Variants in COL28A1 observed in about 807,000 individuals in gnomAD.
The protein encoded by COL28A1 is collagen type XXVIII alpha 1 chain, also known as collagen alpha-1(XXVIII) chain.
Under a neutral mutation model 150.2 loss-of-function variants are expected in COL28A1, and 161 were observed. The ratio of observed to expected loss-of-function variants is 1.07; its 90% CI spans 0.94 to 1.22. The LOEUF (loss-of-function observed/expected upper bound fraction) is 1.22. COL28A1 is among the 50% of genes most tolerant of loss of function. COL28A1 has a pLI of 0.00. For synonymous variants in COL28A1, 552 were observed against 469.7 expected (o/e 1.18, Z -2.26); for missense variants, 1,617 against 1,388.3 (o/e 1.16, Z -2.62).
chr7:7,505,725 A>G (rs1780773116), intron 11 of COL28A1, among the ~76,000 whole-genome samples: 1 of 152,248 alleles, frequency 6.6e-6, no homozygotes, highest in South Asian at 2.1e-4. Flanking sequence ...AATGAGCCAT[A>G]AAATAAATAA....
intron 20 of COL28A1, among the ~76,000 whole-genome samples, chr7:7,442,584 A>C (rs1785898206): frequency 6.6e-6 from 1 of 152,242 alleles, no homozygotes; most frequent in South Asian, 2.1e-4. Context: ...CTCACATTTA[A>C]GATTAAGGAT....
intron 11 of COL28A1, among the ~76,000 whole-genome samples, chr7:7,491,629 A>G (rs1282191017): frequency 6.6e-6 from 1 of 152,228 alleles, no homozygotes; most frequent in Non-Finnish European, 1.5e-5. Flanking sequence ...GCATTTTAGA[A>G]CTAGATGTGA....
At chr7:7,484,569 A>G (rs1204514053) in intron 13 of COL28A1, among the ~76,000 whole-genome samples, 1 of 152,198 alleles carries the variant, frequency 6.6e-6, no homozygotes, top group East Asian at 1.9e-4. Context: ...TTTTGGTAGG[A>G]TGAAAATAAA....
At chr7:7,374,539 AT>A (rs1410815297) in intron 31 of COL28A1, among the ~76,000 whole-genome samples, 4 of 152,324 alleles carry the variant, frequency 2.6e-5, no homozygotes, top group Admixed American at 2.0e-4. Context: ...ACACTAGTCA[AT>A]TTAAAAAAAC....
At chr7:7,472,138 C>T (rs1788486078) in intron 15 of COL28A1, among the ~76,000 whole-genome samples, 2 of 152,086 alleles carry the variant, frequency 1.3e-5, no homozygotes, top group South Asian at 4.2e-4. Flanking sequence ...CTCTCACCAC[C>T]CCTCTGACAC....
chr7:7,446,750 G>A (rs1208820983), intron 18 of COL28A1, among the ~76,000 whole-genome samples: 1 of 152,174 alleles, frequency 6.6e-6, no homozygotes, highest in Admixed American at 6.5e-5. Context: ...CCTGTACAAA[G>A]TTTCCAGGTC....
intron 27 of COL28A1, among the ~76,000 whole-genome samples, chr7:7,386,153 CTTG>C (rs1782168189): frequency 6.6e-6 from 1 of 152,182 alleles, no homozygotes; most frequent in South Asian, 2.1e-4. Flanking sequence ...CAGATGACTG[CTTG>C]TTCTCTGGGA....
At chr7:7,431,604 C>G (rs1053542226) in intron 25 of COL28A1, 2 of 471,042 alleles carry the variant, frequency 4.2e-6, no homozygotes, top group Non-Finnish European at 4.4e-6. Flanking sequence ...AAGCTGCAGT[C>G]GGGGCATGAA....
At chr7:7,501,922 G>C (rs1048008754) in intron 11 of COL28A1, among the ~76,000 whole-genome samples, 5 of 152,102 alleles carry the variant, frequency 3.3e-5, no homozygotes, top group African/African-American at 1.2e-4. Flanking sequence ...TTGAGACAGA[G>C]TCTCGCTCTG....
rs1781360720 is a variant in COL28A1, at chr7:7,373,668, T to C, written c.2360-122A>G. On this transcript the variant is annotated intron_variant, in intron 31 of 34. Coordinates refer to ENST00000399429, the MANE Select transcript of COL28A1 (RefSeq NM_001037763.3). The surrounding 1 kb of genome is among the most constrained non-coding windows in gnomAD (Gnocchi z 4.1). ...AAACTATTCTCTTCCTTTTCTGTGATTGTGAAAATACCTGACAGCTGTCTC... is the reference window on the plus strand; with the variant it reads ...AAACTATTCTCTTCCTTTTCTGTGACTGTGAAAATACCTGACAGCTGTCTC... The C allele has an allele frequency of 9.1e-6, 7 of 770,420 alleles. No homozygotes were observed. Among genetic ancestry groups the C allele is most frequent in the South Asian group, 3.6e-5 (2 of 54,898 alleles). 47.7% of individuals were successfully genotyped at this position (770,420 alleles called of 1,614,324 possible).
At chr7:7,421,623 G>T (rs1784392467) in intron 25 of COL28A1, among the ~76,000 whole-genome samples, 2 of 152,106 alleles carry the variant, frequency 1.3e-5, no homozygotes, top group South Asian at 4.2e-4. Context: ...AAGAAATGTT[G>T]AAGTTGTTCA....
At chr7:7,372,243 C>CA in intron 32 of COL28A1, among the ~76,000 whole-genome samples, 1 of 150,986 alleles carries the variant, frequency 6.6e-6, no homozygotes, top group South Asian at 2.1e-4. Context: ...ACTAAAAATA[C>CA]AAAAAATTAG....
the COL28A1 span, among the ~76,000 whole-genome samples, chr7:7,341,325 T>A: frequency 6.6e-6 from 1 of 152,220 alleles, no homozygotes. Flanking sequence ...CATTGAATTA[T>A]GTTATTTTCA....
rs762467767 is a variant in COL28A1 at position 7,373,344 on chromosome 7, C to A, written c.2562G>T (p.Gln854His). 5 of 1,614,044 alleles carry A rather than the reference C, an allele frequency of 3.1e-6. No homozygotes were observed. Among genetic ancestry groups the A allele is most frequent in the Admixed American group, 1.7e-5 (1 of 60,004 alleles). The change falls in exon 32 of 35, where the codon CAG becomes CAT. Residue 854 changes from glutamine to histidine, a missense_variant. Gln to His is a conservative substitution (Grantham distance 24). Coordinates refer to ENST00000399429, the MANE Select transcript of COL28A1 (RefSeq NM_001037763.3). The surrounding 1 kb of genome is among the most constrained non-coding windows in gnomAD (Gnocchi z 4.1). Reference protein sequence around the residue: ...HKVEKVANLKQFSSKDDFKLA... With the variant: ...HKVEKVANLKHFSSKDDFKLA... Reference sequence around the variant, plus strand: ...ACTTGAAGTCATCCTTGCTGGAGAACTGCTTCAAATTAGCCACCTTCTCCA... The same window carrying A: ...ACTTGAAGTCATCCTTGCTGGAGAAATGCTTCAAATTAGCCACCTTCTCCA...
rs747628501 is a variant in COL28A1 at position 7,520,055 on chromosome 7, C to T, written c.813+7G>A. On this transcript the variant is annotated splice_region_variant and intron_variant, in intron 6 of 34. Transcript: ENST00000399429. Reference sequence around the variant, plus strand: ...CTGGTTTAAAGAAAAGCTGTTTATTCATTTACCGGGTTTCCTTTTGGTCCT... The same window carrying T: ...CTGGTTTAAAGAAAAGCTGTTTATTTATTTACCGGGTTTCCTTTTGGTCCT... 7.8e-7 allele frequency: 1 copy of T among 1,286,358 alleles called. No individual in the cohort carries two copies. The highest frequency in any genetic ancestry group is 2.3e-5 in the East Asian group (1 of 43,398). 79.7% of individuals were successfully genotyped at this position (1,286,358 alleles called of 1,614,324 possible). A position where few individuals can be genotyped will look rare whatever the true frequency, so the allele number is the denominator to read the frequency against.
rs1271188531 is a variant in COL28A1, at chr7:7,436,366, A to C, written c.1860+29T>G. The C allele has an allele frequency of 2.8e-6, 3 of 1,063,416 alleles. No individual in the cohort carries two copies. The Admixed American group carries it at 5.1e-5, about 18-fold the overall frequency. 65.9% of individuals were successfully genotyped at this position (1,063,416 alleles called of 1,614,324 possible). On this transcript the variant is annotated intron_variant, in intron 23 of 34. Transcript: ENST00000399429. ...TACCTTCATTTATTTCAGATACAGA[A>C]AAACAAAAAGAACATGAATAAAGCA...
chr7:7,489,405 C>T lies in COL28A1; in HGVS notation c.1148G>A (p.Gly383Asp). 2 of 1,431,606 alleles carry T rather than the reference C, an allele frequency of 1.4e-6. No homozygotes were observed. Among genetic ancestry groups the T allele is most frequent in the Non-Finnish European group, 2.0e-6 (2 of 1,013,082 alleles). The allele number at this position is 1,431,606 out of a possible 1,614,324, so 88.7% of individuals were successfully genotyped here. The change falls in exon 13 of 35, where the codon GGT (glycine) becomes GAT (aspartate). Residue 383 changes from glycine (G) to aspartate (D), a missense_variant. By Grantham distance (94) the Gly-to-Asp change is moderately conservative. Transcript: ENST00000399429. ...RPGAPGPIGV[G>D]EPGQPGPRGP... ...GCTACTTACTGGCTGTCCAGGCTCA[C>T]CAACTCCAATGGGTCCTGGAGCTCC...
At position 7,531,530 on chromosome 7, in the gene COL28A1, T is replaced by A; in HGVS notation, c.499A>T (p.Lys167Ter). Residue 167 changes from lysine (K) to a stop codon, truncating the protein, a stop_gained, in exon 3 of 35, where the codon AAG becomes TAG. Coordinates refer to ENST00000399429, the MANE Select transcript of COL28A1 (RefSeq NM_001037763.3). LOFTEE classifies it high-confidence loss of function. Reference sequence around the variant, plus strand: ...GAAATACTTTGAACATCTGGATTCTTTGGATGGTCGATGCCATCAGTCATC... The same window carrying A: ...GAAATACTTTGAACATCTGGATTCTATGGATGGTCGATGCCATCAGTCATC... ...LLMTDGIDHPKNPDVQSISED... is the reference protein window; with the variant it reads ...LLMTDGIDHP 3.7e-6 allele frequency: 6 copies of A among 1,612,098 alleles called. No homozygotes were observed. The highest frequency in any genetic ancestry group is 5.1e-6 in the Non-Finnish European group (6 of 1,178,282).
chr7:7,371,745 C>T (rs1285608694), intron 32 of COL28A1, among the ~76,000 whole-genome samples: 1 of 152,186 alleles, frequency 6.6e-6, no homozygotes, highest in East Asian at 1.9e-4. Flanking sequence ...TAGGATGGCT[C>T]ATTAGTAAAT....
Sources: gnomAD v4.1 joint callset for allele counts (sites outside exome capture counted in the v4.1 genomes callset) on GRCh38, gnomAD v4.1.1 for gene constraint, Gnocchi (gnomAD v3.1) non-coding constraint, MANE v1.5 for transcripts, NCBI Gene and HGNC (gene_info 2026-07-23, HGNC 2026-07-21) for gene names.